The following TAX1BP3 variants were observed in gnomAD, a reference collection of about 807,000 sequenced individuals.
The protein encoded by TAX1BP3 is Tax1 binding protein 3.
A neutral mutation model predicts 15.3 loss-of-function variants in TAX1BP3; 13 were observed. That is an observed-to-expected ratio of 0.85 (90% CI 0.55 to 1.35). The LOEUF (loss-of-function observed/expected upper bound fraction) is 1.35. Ranked by LOEUF, TAX1BP3 falls within the 40% of genes most tolerant of loss-of-function variation. The pLI is 0.00. For synonymous variants in TAX1BP3, 70 were observed against 66.0 expected (o/e 1.06, Z -0.30); for missense variants, 147 against 169.6 (o/e 0.87, Z 0.74).
intron 2 of TAX1BP3, 195 bp from the exon 3 acceptor site, chr17:3,664,467 A>G (rs2076316534): frequency 1.1e-6 from 1 of 931,376 alleles, no homozygotes; most frequent in African/African-American, 1.6e-5. Context: ...GGCCCTGCTG[A>G]TGGCCGCCTC....
chr17:3,667,637 G>A (rs2076356427), intron 1 of TAX1BP3, among the ~76,000 whole-genome samples: 1 of 151,976 alleles, frequency 6.6e-6, no homozygotes, highest in Non-Finnish European at 1.5e-5. Flanking sequence ...ACGCTGTCGG[G>A]AGGTAGGCAG....
chr17:3,667,730 C>T (rs1158212350), intron 1 of TAX1BP3, among the ~76,000 whole-genome samples: 1 of 152,184 alleles, frequency 6.6e-6, no homozygotes, highest in Non-Finnish European at 1.5e-5. Context: ...AGGGTTGTGT[C>T]CCTCTGTGAC....
rs1165316402 is a variant in TAX1BP3, at chr17:3,668,102, G to C, written c.39+386C>G. Among the ~76,000 whole-genome samples the C allele has an allele frequency of 2.0e-5, 3 of 152,254 alleles. No individual in the cohort carries two copies. Among genetic ancestry groups the C allele is most frequent in the Non-Finnish European group, 2.9e-5 (2 of 68,046 alleles). On this transcript the variant is annotated intron_variant, in intron 1 of 3. Transcript: ENST00000225525. The surrounding 1 kb of genome is among the most constrained non-coding windows in gnomAD (Gnocchi z 4.1). ...GGCGGCGCAGGCTGCAGCGGAGGAA[G>C]CATTTCCTCATTCCAGAGGCTGCGA...
At chr17:3,664,924 G>T in intron 1 of TAX1BP3, 126 bp from the exon 2 acceptor site, 1 of 1,376,858 alleles carries the variant, frequency 7.3e-7, no homozygotes, top group Non-Finnish European at 9.8e-7. Flanking sequence ...GAATCCAGCT[G>T]CTCACCAGCC....
intron 1 of TAX1BP3, among the ~76,000 whole-genome samples, chr17:3,667,839 A>T (rs1597678863): frequency 6.6e-6 from 1 of 152,322 alleles, no homozygotes; most frequent in South Asian, 2.1e-4. Flanking sequence ...CCAGGGGCCT[A>T]GGCTAGCCCC....
rs1278140645 is a variant in TAX1BP3, at chr17:3,668,139, C to T, written c.39+349G>A. Among the ~76,000 whole-genome samples, 1 of 152,360 alleles carries T rather than the reference C, an allele frequency of 6.6e-6. No individual in the cohort carries two copies. On this transcript the variant is annotated intron_variant, in intron 1 of 3. Transcript: ENST00000225525. This position sits in a 1 kb window ranked among gnomAD's most constrained non-coding sequence, Gnocchi z 4.1. ...TCCAGAGGCTGCGACTCATGGACGTCGGGATCGGCGCCCGCCCCCAGCAGC... is the reference window on the plus strand; with the variant it reads ...TCCAGAGGCTGCGACTCATGGACGTTGGGATCGGCGCCCGCCCCCAGCAGC...
intron 2 of TAX1BP3, 85 bp from the exon 3 acceptor site, chr17:3,664,357 A>G: frequency 2.0e-6 from 3 of 1,499,102 alleles, no homozygotes; most frequent in Non-Finnish European, 2.8e-6. Context: ...GCACATTCTC[A>G]GCCGTCCCTC....
chr17:3,667,439 G>A (rs934466901), intron 1 of TAX1BP3, among the ~76,000 whole-genome samples: 1 of 151,480 alleles, frequency 6.6e-6, no homozygotes, highest in African/African-American at 2.4e-5. Context: ...GCCCAGGCCT[G>A]AGCCAGTGCT....
At chr17:3,665,706 G>A (rs1224214877) in intron 1 of TAX1BP3, 5 of 367,306 alleles carry the variant, frequency 1.4e-5, no homozygotes, top group Admixed American at 1.2e-4. Flanking sequence ...GGCATAATAG[G>A]TGTTAAACAA....
At chr17:3,665,153 T>G in intron 1 of TAX1BP3, 1 of 826,366 alleles carries the variant, frequency 1.2e-6, no homozygotes, top group Non-Finnish European at 2.1e-6. Flanking sequence ...GAGATCAAAC[T>G]TGCATAGAAA....
At chr17:3,665,740 TCCAAA>T (rs767906462) in intron 1 of TAX1BP3, 1,495 of 114,444 alleles carry the variant, frequency 0.013, 13 homozygotes, top group Middle Eastern at 0.032. Context: ...ATCTCTGGGC[TCCAAA>T]AAAAAAAAAA....
chr17:3,667,340 C>CAAA (rs761986087), intron 1 of TAX1BP3, among the ~76,000 whole-genome samples: 6 of 61,134 alleles, frequency 9.8e-5, no homozygotes, highest in African/African-American at 3.5e-4. Context: ...AAGACTGTCT[C>CAAA]AAAAAAAAAA....
At chr17:3,666,072 G>A (rs1054013225) in intron 1 of TAX1BP3, among the ~76,000 whole-genome samples, 9 of 152,228 alleles carry the variant, frequency 5.9e-5, no homozygotes, top group Non-Finnish European at 1.2e-4. Flanking sequence ...CTTGGCAAGC[G>A]CCGTCCAGTC....
intron 1 of TAX1BP3, among the ~76,000 whole-genome samples, chr17:3,666,017 C>T (rs2142991899): frequency 6.6e-6 from 1 of 152,346 alleles, no homozygotes; most frequent in East Asian, 1.9e-4. Context: ...TCCCACCATG[C>T]TCTGGGGCTA....
Position 3,663,872 on chromosome 17 carries a change from T to A in TAX1BP3, c.251A>T (p.Asp84Val). ...CTGGTCGTGTGTGACCATGGTCATG[T>A]CCCAGCCGTTCACCTGGCCCCAGGA... ...GDKIMQVNGW[D>V]MTMVTHDQAR... is the part of the protein sequence containing the mutation. Residue 84 changes from aspartate to valine, a missense_variant, in exon 4 of 4, where the codon GAC becomes GTC. Transcript: ENST00000225525. 1 of 1,608,220 alleles carries A rather than the reference T, an allele frequency of 6.2e-7. No homozygotes were observed. Among genetic ancestry groups the A allele is most frequent in the Non-Finnish European group, 8.5e-7 (1 of 1,179,726 alleles).
intron 1 of TAX1BP3, chr17:3,665,805 C>T (rs1397931525): frequency 1.1e-5 from 7 of 638,454 alleles, no homozygotes; most frequent in Admixed American, 2.8e-5. Context: ...GGGACCAGCG[C>T]ACAGGGTGCC....
At chr17:3,665,969 C>T (rs1237548901) in intron 1 of TAX1BP3, among the ~76,000 whole-genome samples, 1 of 152,106 alleles carries the variant, frequency 6.6e-6, no homozygotes, top group African/African-American at 2.4e-5. Context: ...TGTGCAGAAA[C>T]GAGTGTTCTG....
chr17:3,667,340 C>CA (rs761986087), intron 1 of TAX1BP3, among the ~76,000 whole-genome samples: 11,269 of 60,894 alleles, frequency 0.19, 2,317 homozygotes, highest in African/African-American at 0.51. Context: ...AAGACTGTCT[C>CA]AAAAAAAAAA....
At chr17:3,663,926 C>T (rs941352118) in intron 3 of TAX1BP3, 41 bp from the exon 4 acceptor site, 24 of 1,585,186 alleles carry the variant, frequency 1.5e-5, no homozygotes, top group Non-Finnish European at 2.1e-5. Context: ...CAGCTCCCCG[C>T]CCTCTGGGAT....
Sources: allele counts gnomAD v4.1 joint callset (sites outside exome capture counted in the v4.1 genomes callset), GRCh38; gene constraint gnomAD v4.1.1; non-coding constraint Gnocchi (gnomAD v3.1); transcripts MANE v1.5; gene names NCBI Gene and HGNC (gene_info 2026-07-23, HGNC 2026-07-21).